Variants in PLCE1 observed in about 807,000 individuals in gnomAD.
PLCE1 encodes phospholipase C epsilon 1.
In PLCE1, 119 loss-of-function variants were observed where a neutral mutation model predicts 242.8. That is an observed-to-expected ratio of 0.49 (90% CI 0.42 to 0.57). The LOEUF (loss-of-function observed/expected upper bound fraction) is 0.57, where lower values mean the gene tolerates loss of function less well. Ranked by LOEUF, PLCE1 falls within the 20% of genes least tolerant of loss-of-function variation. PLCE1 has a pLI of 0.00. For synonymous variants in PLCE1, 945 were observed against 1,017.4 expected (o/e 0.93, Z 1.35); for missense variants, 2,441 against 2,788.8 (o/e 0.88, Z 2.81).
intron 3 of PLCE1, among the ~76,000 whole-genome samples, chr10:94,155,042 A>G (rs1310353438): frequency 1.1e-4 from 16 of 152,074 alleles, no homozygotes; most frequent in Admixed American, 9.2e-4. Flanking sequence ...TTGGGAACTT[A>G]AATTGGTACA....
At chr10:94,091,331 A>G (rs1214856199) in intron 2 of PLCE1, among the ~76,000 whole-genome samples, 3 of 152,240 alleles carry the variant, frequency 2.0e-5, no homozygotes, top group Non-Finnish European at 2.9e-5. Flanking sequence ...AGCCTCCTCC[A>G]TGGCATCTTA....
chr10:94,233,819 G>A lies in PLCE1; in HGVS notation c.1956-235G>A, dbSNP rs112012204. On this transcript the variant is annotated intron_variant, in intron 5 of 32. Coordinates refer to ENST00000371380, the MANE Select transcript of PLCE1 (RefSeq NM_016341.4). ...AAAAATTAGCCAGGCATAGTGGCGCGCGCCTATAATCCCAGCTACTAGGGA... is the reference window on the plus strand; with the variant it reads ...AAAAATTAGCCAGGCATAGTGGCGCACGCCTATAATCCCAGCTACTAGGGA... Among the ~76,000 whole-genome samples the A allele has an allele frequency of 7.9e-3, 1,204 of 152,030 alleles. 18 individuals are homozygous for A. Among genetic ancestry groups the A allele is most frequent in the African/African-American group, 0.025 (1,055 of 41,466 alleles).
rs940636080 is a variant in PLCE1 at position 94,332,232 on chromosome 10, T to G, written c.*4289T>G. The G allele has an allele frequency of 1.3e-5, 2 of 152,150 alleles. No homozygotes were observed. Among genetic ancestry groups the G allele is most frequent in the African/African-American group, 4.8e-5 (2 of 41,422 alleles). The allele number at this position is 152,150 out of a possible 1,614,324, so 9.4% of individuals were successfully genotyped here. On this transcript the variant is annotated 3_prime_UTR_variant, in exon 33 of 33. Coordinates refer to ENST00000371380, the MANE Select transcript of PLCE1 (RefSeq NM_016341.4). The stretch of plus-strand genomic sequence containing the variant: ...ATGCACAAGCCTGTCACCAAACAGA[T>G]CTCTGAAACCTTCCCTATTGCAGAT...
intron 2 of PLCE1, among the ~76,000 whole-genome samples, chr10:94,090,361 A>C (rs2045014998): frequency 6.6e-6 from 1 of 152,174 alleles, no homozygotes; most frequent in Admixed American, 6.5e-5. Flanking sequence ...ATGATGTTTT[A>C]TGAGTGTTAG....
intron 4 of PLCE1, among the ~76,000 whole-genome samples, chr10:94,224,240 T>C (rs1589377063): frequency 1.3e-5 from 2 of 152,180 alleles, no homozygotes; most frequent in African/African-American, 4.8e-5. Context: ...ATGTGAAATA[T>C]GGTATCGCTG....
intron 23 of PLCE1, among the ~76,000 whole-genome samples, chr10:94,296,042 A>G (rs1475162448): frequency 6.6e-6 from 1 of 152,100 alleles, no homozygotes; most frequent in Non-Finnish European, 1.5e-5. Context: ...TCTTCTTCCA[A>G]TAGAAGGCTG....
chr10:94,305,653 T>C lies in PLCE1; in HGVS notation c.5623-774T>C, dbSNP rs180924348. ...CCTTTCCTATTTGTTATTTTTTAGA[T>C]AGAGGCGAGGGTAGTTTTATCTGTT... On this transcript the variant is annotated intron_variant, in intron 25 of 32. Coordinates refer to ENST00000371380, the MANE Select transcript of PLCE1 (RefSeq NM_016341.4). Among the ~76,000 whole-genome samples the C allele has an allele frequency of 2.0e-5, 3 of 152,334 alleles. No homozygotes were observed. In the East Asian group the frequency reaches 5.8e-4, roughly 29 times the overall value.
chr10:94,313,440 T>C, intron 28 of PLCE1, 58 bp downstream of exon 28: 2 of 1,599,752 alleles, frequency 1.3e-6, no homozygotes, highest in Non-Finnish European at 1.7e-6. Flanking sequence ...TGGATGTATG[T>C]GTGTGTATAA....
intron 1 of PLCE1, among the ~76,000 whole-genome samples, chr10:94,005,354 A>G (rs1468455545): frequency 2.6e-5 from 4 of 152,228 alleles, no homozygotes; most frequent in Non-Finnish European, 5.9e-5. Context: ...TAAATGCTCT[A>G]CTATTGATTT....
In PLCE1 at chr10:94,164,032, G is replaced by A. The variant is rs190189223; in HGVS notation, c.1493-7148G>A. Reference sequence around the variant, plus strand: ...CTGCCGAGAGATCAGCTGTTTGTCTGATGGGTTTCCCTTTGTGGGTAACCC... The same window carrying A: ...CTGCCGAGAGATCAGCTGTTTGTCTAATGGGTTTCCCTTTGTGGGTAACCC... On this transcript the variant is annotated intron_variant, in intron 3 of 32. Coordinates refer to ENST00000371380, the MANE Select transcript of PLCE1 (RefSeq NM_016341.4). 3.5e-3 allele frequency among the ~76,000 whole-genome samples: 534 copies of A among 152,296 alleles called. 6 individuals carry two copies. The highest frequency in any genetic ancestry group is 0.012 in the African/African-American group (506 of 41,566).
At position 94,032,081 on chromosome 10, in the gene PLCE1, A is replaced by G. The variant is rs368340608; in HGVS notation, c.1035A>G (p.Arg345=). The part of the protein sequence containing the change: ...EVKKSVYTGT[R]AIVRTLPSGH... ...AGAAATCTGTGTATACTGGAACAAG[A>G]GCAATTGTGAGAACTCTGCCTTCTG... The change falls in exon 2 of 33, where the codon AGA becomes AGG. Residue 345 remains arginine (R), a synonymous_variant. Coordinates refer to ENST00000371380, the MANE Select transcript of PLCE1 (RefSeq NM_016341.4). 5 of 1,612,210 alleles carry G rather than the reference A, an allele frequency of 3.1e-6. No homozygotes were observed. Among genetic ancestry groups the G allele is most frequent in the Non-Finnish European group, 4.2e-6 (5 of 1,179,276 alleles).
At chr10:94,002,060 C>T (rs1049131789) in intron 1 of PLCE1, among the ~76,000 whole-genome samples, 9 of 150,678 alleles carry the variant, frequency 6.0e-5, no homozygotes, top group African/African-American at 2.2e-4. Context: ...GGCTTGGGCA[C>T]AGTTTTAAAA....
At chr10:93,998,361 G>C (rs1033691621) in intron 1 of PLCE1, among the ~76,000 whole-genome samples, 5 of 152,098 alleles carry the variant, frequency 3.3e-5, no homozygotes, top group African/African-American at 1.2e-4. Context: ...TTGCAGCCAG[G>C]GGGCATGTAT....
At position 94,304,523 on chromosome 10, in the gene PLCE1, GGTGGTT is replaced by G. The variant is rs1419192476; in HGVS notation, c.5507_5512del (p.Cys1836_Gly1837del). ...AAATGCTGCAATGTTTGAGGCAAAT[GGTGGTT>G]GTGGTTATGTATTGAAACCTCCAGT... On this transcript the variant is annotated inframe_deletion, in exon 25 of 33. Transcript: ENST00000371380. 1 of 1,613,990 alleles carries G rather than the reference GGTGGTT, an allele frequency of 6.2e-7. No individual in the cohort carries two copies. Among genetic ancestry groups the G allele is most frequent in the Non-Finnish European group, 8.5e-7 (1 of 1,179,974 alleles).
chr10:94,242,420 T>G (rs938139421), intron 7 of PLCE1, among the ~76,000 whole-genome samples: 9 of 152,096 alleles, frequency 5.9e-5, no homozygotes, highest in Admixed American at 5.2e-4. Flanking sequence ...AAGCAATTCT[T>G]GTGACTCAGC....
intron 2 of PLCE1, among the ~76,000 whole-genome samples, chr10:94,092,361 T>C (rs913049626): frequency 6.6e-6 from 1 of 152,174 alleles, no homozygotes; most frequent in Admixed American, 6.5e-5. Flanking sequence ...GTGGCAGGTA[T>C]TGTGTGAAAT....
chr10:94,264,656 G>A (rs926955255), intron 14 of PLCE1, among the ~76,000 whole-genome samples: 2 of 151,426 alleles, frequency 1.3e-5, no homozygotes, highest in African/African-American at 4.9e-5. Context: ...CAAGTAGCTG[G>A]GATTACAGGC....
chr10:94,038,312 C>T (rs2061704237), intron 2 of PLCE1, among the ~76,000 whole-genome samples: 1 of 152,148 alleles, frequency 6.6e-6, no homozygotes, highest in South Asian at 2.1e-4. Context: ...AGACAGCGCC[C>T]TCTCTCAAAA....
At chr10:94,178,859 G>C (rs1179160096) in intron 4 of PLCE1, among the ~76,000 whole-genome samples, 1 of 152,118 alleles carries the variant, frequency 6.6e-6, no homozygotes, top group Non-Finnish European at 1.5e-5. Context: ...AAAAAATATT[G>C]GTTTTTGAAT....
Sources: gnomAD v4.1 joint callset for allele counts (sites outside exome capture counted in the v4.1 genomes callset) on GRCh38, gnomAD v4.1.1 for gene constraint, MANE v1.5 for transcripts, NCBI Gene and HGNC (gene_info 2026-07-23, HGNC 2026-07-21) for gene names.